Variants in MYO7A observed in about 807,000 individuals in gnomAD.
The protein encoded by MYO7A is unconventional myosin-VIIa.
In MYO7A, 210 loss-of-function variants were observed where a neutral mutation model predicts 263.8. That is an observed-to-expected ratio of 0.80 (90% CI 0.71 to 0.89). MYO7A has a LOEUF of 0.89. Ranked by LOEUF, MYO7A falls within the 40% of genes least tolerant of loss-of-function variation. The probability of loss-of-function intolerance (pLI) is 0.00; values close to 1 mark genes in which losing one functional copy is unlikely to be tolerated. For missense variants in MYO7A, 2,820 were observed against 2,968.3 expected, an observed-to-expected ratio of 0.95 and a Z score of 1.16; for synonymous variants, 1,239 against 1,197.3, an observed-to-expected ratio of 1.03 and a Z score of -0.72.
At position 77,159,512 on chromosome 11, in the gene MYO7A, T is replaced by G; in HGVS notation, c.1069T>G (p.Ser357Ala). 1 of 1,611,206 alleles carries G rather than the reference T, an allele frequency of 6.2e-7. No individual in the cohort carries two copies. Reference protein sequence around the residue: ...LFSPSLATAASLLEVNPPDLM... With the variant: ...LFSPSLATAAALLEVNPPDLM... ...CTCCCCATCGCTGGCCACAGCTGCA[T>G]CCCTGCTTGAGGTCAGTGCCTGGCC... Residue 357 changes from serine (S) to alanine (A), a missense_variant, in exon 10 of 49, where the codon TCC (serine) becomes GCC (alanine). Physicochemically the swap from Ser to Ala is moderately conservative, Grantham distance 99. Transcript: ENST00000409709.
At chr11:77,155,186 C>T (rs970038633) in intron 4 of MYO7A, among the ~76,000 whole-genome samples, 7 of 152,206 alleles carry the variant, frequency 4.6e-5, no homozygotes, top group Non-Finnish European at 1.0e-4. Context: ...TGTGGCAGGA[C>T]CTCAAGGCCA....
chr11:77,191,939 C>A, intron 30 of MYO7A, 112 bp from the exon 31 acceptor site: 2 of 932,290 alleles, frequency 2.1e-6, no homozygotes, highest in Non-Finnish European at 3.2e-6. Context: ...GGACGTGTCC[C>A]TGCCCCTCGC....
chr11:77,175,109 T>TC (rs1555079249), intron 17 of MYO7A, among the ~76,000 whole-genome samples, 195 bp downstream of exon 17: 1 of 152,204 alleles, frequency 6.6e-6, no homozygotes, highest in Admixed American at 6.5e-5. Flanking sequence ...GGTGAGGACT[T>TC]CACACATGGT....
chr11:77,201,707 C>A, intron 36 of MYO7A, 69 bp downstream of exon 36: 1 of 1,491,146 alleles, frequency 6.7e-7, no homozygotes, highest in Non-Finnish European at 9.2e-7. Context: ...CTTCCCACAG[C>A]TGTACAATAG....
At chr11:77,189,923 G>C in intron 28 of MYO7A, 97 bp from the exon 29 acceptor site, 1 of 1,440,634 alleles carries the variant, frequency 6.9e-7, no homozygotes, top group Non-Finnish European at 9.1e-7. Context: ...ACCTGGCCTG[G>C]AGGAGCGGCC....
chr11:77,211,410 C>T, intron 45 of MYO7A, 73 bp downstream of exon 45: 1 of 1,448,018 alleles, frequency 6.9e-7, no homozygotes, highest in South Asian at 1.3e-5. Flanking sequence ...GCCAAGGGGG[C>T]AGACACTGGC....
At chr11:77,201,333 G>T in intron 35 of MYO7A, 115 bp from the exon 36 acceptor site, 1 of 1,028,772 alleles carries the variant, frequency 9.7e-7, no homozygotes, top group Non-Finnish European at 1.4e-6. Context: ...TGACAAGGTG[G>T]AGGCAGAGTG....
At chr11:77,191,156 C>T in intron 30 of MYO7A, 1 of 279,040 alleles carries the variant, frequency 3.6e-6, no homozygotes, top group Non-Finnish European at 6.8e-6. Context: ...CTCGTCTCTA[C>T]TAAAAATACA....
intron 37 of MYO7A, 123 bp from the exon 38 acceptor site, chr11:77,202,937 C>T: frequency 8.1e-7 from 1 of 1,235,012 alleles, no homozygotes; most frequent in Non-Finnish European, 1.1e-6. Context: ...AAGAGCAGGG[C>T]CTGGTGCCCA....
Position 77,207,137 on chromosome 11 carries a change from CCTTTT to C in MYO7A, c.5743-151_5743-147del, listed in dbSNP as rs997037498. 13 of 579,528 alleles carry C rather than the reference CCTTTT, an allele frequency of 2.2e-5. No individual in the cohort carries two copies. In the South Asian group the frequency reaches 2.3e-4, roughly 10 times the overall value. 35.9% of individuals were successfully genotyped at this position (579,528 alleles called of 1,614,324 possible). ...AAGACCCAGACAGGAGTAGCCCTTT[CCTTTT>C]GTTAAATGCCATGCCCAGCTCTGTG... On this transcript the variant is annotated intron_variant, in intron 41 of 48. Coordinates refer to ENST00000409709, the MANE Select transcript of MYO7A (RefSeq NM_000260.4).
At position 77,160,962 on chromosome 11, in the gene MYO7A, C is replaced by T. The variant is rs1555068149; in HGVS notation, c.1201-11C>T. ...TGTGGCTGGTGCCAGTGGCTGATCA[C>T]TGCCTTTCAGGGGATCTACGGGCGG... On this transcript the variant is annotated splice_polypyrimidine_tract_variant and intron_variant, in intron 11 of 48. Coordinates refer to ENST00000409709, the MANE Select transcript of MYO7A (RefSeq NM_000260.4). 1 of 1,590,076 alleles carries T rather than the reference C, an allele frequency of 6.3e-7. No homozygotes were observed. Among genetic ancestry groups the T allele is most frequent in the Non-Finnish European group, 8.6e-7 (1 of 1,169,386 alleles).
At position 77,205,518 on chromosome 11, in the gene MYO7A, C is replaced by A; in HGVS notation, c.5537C>A (p.Pro1846His). The A allele has an allele frequency of 6.2e-7, 1 of 1,603,890 alleles. No homozygotes were observed. Among genetic ancestry groups the A allele is most frequent in the Non-Finnish European group, 8.5e-7 (1 of 1,175,968 alleles). The change falls in exon 40 of 49, where the codon CCC becomes CAC. Residue 1846 changes from proline (P) to histidine (H), a missense_variant. By Grantham distance (77) the Pro-to-His change is moderately conservative. Coordinates refer to ENST00000409709, the MANE Select transcript of MYO7A (RefSeq NM_000260.4). ...LLWLCTGLFPPSNILLPHVQR... is the reference protein window; with the variant it reads ...LLWLCTGLFPHSNILLPHVQR... ...TGGCTGTGCACGGGCCTTTTCCCAC[C>A]CAGCAACATCCTCCTGCCCCACGTG...
intron 15 of MYO7A, among the ~76,000 whole-genome samples, chr11:77,172,144 G>A (rs1424184910): frequency 6.6e-6 from 1 of 152,140 alleles, no homozygotes; most frequent in Non-Finnish European, 1.5e-5. Context: ...TCCAGAAGGC[G>A]GCACCACCTT....
chr11:77,165,084 A>G (rs1344277455), intron 14 of MYO7A, among the ~76,000 whole-genome samples: 2 of 152,216 alleles, frequency 1.3e-5, no homozygotes, highest in African/African-American at 4.8e-5. Context: ...GGGTCTTTCT[A>G]GGATAACATA....
intron 20 of MYO7A, among the ~76,000 whole-genome samples, chr11:77,179,525 CAG>C (rs1391049167): frequency 6.6e-6 from 1 of 152,190 alleles, no homozygotes; most frequent in Non-Finnish European, 1.5e-5. Flanking sequence ...GGCCCCAACT[CAG>C]GGAGAGTCAA....
chr11:77,172,909 G>A (rs1555077382), intron 16 of MYO7A, 24 bp downstream of exon 16: 5 of 1,538,318 alleles, frequency 3.3e-6, no homozygotes, highest in Non-Finnish European at 4.4e-6. Context: ...GCCTGGGGTT[G>A]GCGGGTGGCG....
At chr11:77,171,478 T>G (rs1176055424) in intron 15 of MYO7A, among the ~76,000 whole-genome samples, 1 of 152,100 alleles carries the variant, frequency 6.6e-6, no homozygotes, top group Non-Finnish European at 1.5e-5. Context: ...CCAAATACAA[T>G]GCAGTTGGAA....
intron 3 of MYO7A, among the ~76,000 whole-genome samples, chr11:77,146,027 C>T (rs1001830382): frequency 2.0e-4 from 30 of 152,178 alleles, no homozygotes; most frequent in Admixed American, 6.5e-4. Context: ...TGTGAGGCAC[C>T]GTGGCCTGAG....
At chr11:77,155,355 C>T (rs1555060611) in intron 4 of MYO7A, among the ~76,000 whole-genome samples, 1 of 152,214 alleles carries the variant, frequency 6.6e-6, no homozygotes, top group Non-Finnish European at 1.5e-5. Context: ...GCATCTCCCT[C>T]TGTCCTGGGG....
Sources: gnomAD v4.1 joint callset for allele counts (sites outside exome capture counted in the v4.1 genomes callset) on GRCh38, gnomAD v4.1.1 for gene constraint, MANE v1.5 for transcripts, NCBI Gene and HGNC (gene_info 2026-07-23, HGNC 2026-07-21) for gene names.